THADA: variants seen among roughly 807,000 people sequenced by gnomAD.
THADA encodes the protein THADA armadillo repeat containing, also known as tRNA (32-2'-O)-methyltransferase regulator THADA.
A neutral mutation model predicts 219.8 loss-of-function variants in THADA; 213 were observed. The ratio of observed to expected loss-of-function variants is 0.97; its 90% confidence interval spans 0.87 to 1.09. The LOEUF is 1.09. Among genes scored for constraint, THADA ranks in the 50% least tolerant of loss-of-function variants. The probability of loss-of-function intolerance (pLI) is 0.00; values close to 1 mark genes in which losing one functional copy is unlikely to be tolerated. For synonymous variants in THADA, 1,018 were observed against 828.9 expected, an observed-to-expected ratio of 1.23 and a Z score of -3.92; for missense variants, 2,956 against 2,311.3, an observed-to-expected ratio of 1.28 and a Z score of -5.72.
intron 29 of THADA, among the ~76,000 whole-genome samples, chr2:43,381,556 T>C (rs996489812): frequency 6.6e-6 from 1 of 151,932 alleles, no homozygotes; most frequent in Non-Finnish European, 1.5e-5. Flanking sequence ...AGCCATGTGA[T>C]TAATGTTAAC....
chr2:43,358,398 G>T (rs1286705310), intron 29 of THADA, among the ~76,000 whole-genome samples: 4 of 151,936 alleles, frequency 2.6e-5, no homozygotes, highest in Non-Finnish European at 4.4e-5. Context: ...CTCCTCCTTT[G>T]ACTTTTCAGT....
chr2:43,424,183 A>C (rs959599175), intron 28 of THADA, among the ~76,000 whole-genome samples: 20 of 152,360 alleles, frequency 1.3e-4, no homozygotes, highest in African/African-American at 4.6e-4. Context: ...GGGATAAAGG[A>C]GTAAAACTAC....
At chr2:43,580,739 G>A (rs1240886590) in intron 8 of THADA, among the ~76,000 whole-genome samples, 1 of 151,946 alleles carries the variant, frequency 6.6e-6, no homozygotes, top group Non-Finnish European at 1.5e-5. Context: ...AATTAGCCAG[G>A]CGTGGTGGTG....
At chr2:43,505,858 G>A in intron 23 of THADA, 123 bp from the exon 24 acceptor site, 1 of 707,118 alleles carries the variant, frequency 1.4e-6, no homozygotes, top group Non-Finnish European at 2.4e-6. Flanking sequence ...ATCAAAGAAA[G>A]TTAATTAAGC....
At chr2:43,294,045 G>A (rs187146171) in intron 31 of THADA, among the ~76,000 whole-genome samples, 12 of 152,280 alleles carry the variant, frequency 7.9e-5, no homozygotes, top group African/African-American at 2.6e-4. Context: ...ACTGATGGTG[G>A]TGAGTCATCT....
At chr2:43,366,882 C>T (rs1325753556) in intron 29 of THADA, among the ~76,000 whole-genome samples, 1 of 152,162 alleles carries the variant, frequency 6.6e-6, no homozygotes, top group African/African-American at 2.4e-5. Flanking sequence ...CAGCCATGTT[C>T]AATGTACAGC....
In THADA at chr2:43,372,929, C is replaced by T. The variant is rs117233297; in HGVS notation, c.4227+25042G>A. On this transcript the variant is annotated intron_variant, in intron 29 of 37. Coordinates refer to ENST00000405975, the MANE Select transcript of THADA (RefSeq NM_022065.5). ...ATGTTAGCCAGGCTGCTCTTGGACT[C>T]CTGGCCTCAAGTGATCTGCCCAAAG... 3.9e-5 allele frequency among the ~76,000 whole-genome samples: 6 copies of T among 152,178 alleles called. No homozygotes were observed. The East Asian group carries it at 9.7e-4, about 25-fold the overall frequency.
At chr2:43,422,047 T>C (rs1313620863) in intron 28 of THADA, among the ~76,000 whole-genome samples, 1 of 152,256 alleles carries the variant, frequency 6.6e-6, no homozygotes, top group Non-Finnish European at 1.5e-5. Flanking sequence ...ACAGATACCT[T>C]GATGATATCC....
chr2:43,588,029 T>C (rs141493766), intron 4 of THADA, among the ~76,000 whole-genome samples: 3 of 152,278 alleles, frequency 2.0e-5, no homozygotes, highest in African/African-American at 4.8e-5. Context: ...GACTTAACAC[T>C]GACATATAAT....
chr2:43,501,233 G>A (rs1375305141), intron 24 of THADA, among the ~76,000 whole-genome samples: 1 of 145,378 alleles, frequency 6.9e-6, no homozygotes, highest in Non-Finnish European at 1.5e-5. Context: ...TTGAACCCAG[G>A]AGGCGGAGGT....
At chr2:43,257,778 T>C (rs540214252) in intron 36 of THADA, among the ~76,000 whole-genome samples, 3 of 152,362 alleles carry the variant, frequency 2.0e-5, no homozygotes, top group South Asian at 4.1e-4. Flanking sequence ...ATTTAGTAAT[T>C]ACAACCAACA....
intron 30 of THADA, among the ~76,000 whole-genome samples, chr2:43,341,257 C>G (rs974982557): frequency 1.6e-4 from 24 of 152,138 alleles, no homozygotes; most frequent in African/African-American, 5.3e-4. Flanking sequence ...GGCTGTCCTA[C>G]ATTCTGGGCA....
At chr2:43,322,837 C>T (rs1023048443) in intron 30 of THADA, among the ~76,000 whole-genome samples, 4 of 151,712 alleles carry the variant, frequency 2.6e-5, no homozygotes, top group Admixed American at 2.0e-4. Context: ...AGGCGCCCGC[C>T]GCCACGCCCG....
At chr2:43,286,829 TTCCC>T in intron 35 of THADA, 75 bp downstream of exon 35, 1 of 1,529,044 alleles carries the variant, frequency 6.5e-7, no homozygotes, top group Non-Finnish European at 8.9e-7. Flanking sequence ...ATCTTTCACC[TTCCC>T]TTTTTTTAGG....
chr2:43,453,028 C>T (rs892710847), intron 26 of THADA, among the ~76,000 whole-genome samples: 1 of 152,166 alleles, frequency 6.6e-6, no homozygotes, highest in East Asian at 1.9e-4. Flanking sequence ...TGAACCGATG[C>T]TTTTTGTAAG....
intron 26 of THADA, among the ~76,000 whole-genome samples, chr2:43,461,742 C>T (rs542127126): frequency 1.3e-5 from 2 of 152,342 alleles, no homozygotes; most frequent in East Asian, 1.9e-4. Context: ...TGTGGCATGG[C>T]CGATCCAAGT....
Position 43,549,344 on chromosome 2 carries a change from A to G in THADA, c.2972T>C (p.Ile991Thr), listed in dbSNP as rs1284263469. ...DSESASRLQMILNEIQPRDTN... is the reference protein window; with the variant it reads ...DSESASRLQMTLNEIQPRDTN... ...ATCTCGAGGCTGAATCTCATTCAGA[A>G]TCATCTGTAAGCGGCTTGCTGACTC... Residue 991 changes from isoleucine (I) to threonine (T), a missense_variant, in exon 20 of 38, where the codon ATT (isoleucine) becomes ACT (threonine). Ile to Thr is a moderately conservative substitution (Grantham distance 89). Coordinates refer to ENST00000405975, the MANE Select transcript of THADA (RefSeq NM_022065.5). 6.2e-7 allele frequency: 1 copy of G among 1,604,026 alleles called. No homozygotes were observed. The highest frequency in any genetic ancestry group is 1.7e-5 in the Admixed American group (1 of 58,008).
At chr2:43,515,812 C>T (rs1265518631) in intron 22 of THADA, among the ~76,000 whole-genome samples, 2 of 152,066 alleles carry the variant, frequency 1.3e-5, no homozygotes, top group Non-Finnish European at 2.9e-5. Context: ...CTTCCAGAGA[C>T]TCTCACCAAA....
At chr2:43,342,358 A>G (rs1004714147) in intron 30 of THADA, among the ~76,000 whole-genome samples, 3 of 152,206 alleles carry the variant, frequency 2.0e-5, no homozygotes, top group African/African-American at 7.2e-5. Flanking sequence ...ACACACATCC[A>G]CACATTGGGA....
Sources: gnomAD v4.1 joint callset for allele counts (sites outside exome capture counted in the v4.1 genomes callset) on GRCh38, gnomAD v4.1.1 for gene constraint, MANE v1.5 for transcripts, NCBI Gene and HGNC (gene_info 2026-07-23, HGNC 2026-07-21) for gene names.